The following EPHA6 variants were observed in gnomAD, a reference collection of about 807,000 sequenced individuals.
EPHA6 encodes the protein EPH receptor A6, also known as ephrin type-A receptor 6.
EPHA6 carries 50 observed loss-of-function variants against 112.0 expected under a neutral mutation model. The ratio of observed to expected loss-of-function variants is 0.45; its 90% CI spans 0.36 to 0.56. The LOEUF is 0.56. EPHA6 is among the 20% of genes least tolerant of loss of function. The pLI is 0.00. For missense variants in EPHA6, 1,280 were observed against 1,417.4 expected (o/e 0.90, Z 1.56); for synonymous variants, 529 against 490.7 (o/e 1.08, Z -1.03).
At chr3:97,125,278 A>T (rs2048152772) in intron 3 of EPHA6, among the ~76,000 whole-genome samples, 1 of 152,210 alleles carries the variant, frequency 6.6e-6, no homozygotes, top group Admixed American at 6.5e-5. Context: ...TAGGATATAT[A>T]TTGAAACACA....
intron 10 of EPHA6, among the ~76,000 whole-genome samples, chr3:97,500,383 AAATATAT>A (rs2092087667): frequency 6.6e-6 from 1 of 152,120 alleles, no homozygotes; most frequent in Non-Finnish European, 1.5e-5. Flanking sequence ...AAGACTCAGG[AAATATAT>A]AGTAATGGTG....
intron 3 of EPHA6, among the ~76,000 whole-genome samples, chr3:97,007,431 C>CTTTTTTTTTTT (rs61260971): frequency 6.8e-6 from 1 of 146,414 alleles, no homozygotes. Flanking sequence ...GCGGTCCCTG[C>CTTTTTTTTTTT]TTTTTTTTTT....
intron 2 of EPHA6, among the ~76,000 whole-genome samples, chr3:96,984,174 C>G (rs573890367): frequency 6.6e-6 from 1 of 152,002 alleles, no homozygotes; most frequent in South Asian, 2.1e-4. Context: ...TTTTTCCCAT[C>G]TTTGTGGTTT....
At chr3:97,322,027 A>G (rs1373532777) in intron 5 of EPHA6, among the ~76,000 whole-genome samples, 1 of 152,084 alleles carries the variant, frequency 6.6e-6, no homozygotes, top group Non-Finnish European at 1.5e-5. Context: ...TCCAGGTCCT[A>G]GCTATGAAAA....
At chr3:97,061,009 A>G (rs72918273) in intron 3 of EPHA6, among the ~76,000 whole-genome samples, 1,963 of 151,676 alleles carry the variant, frequency 0.013, 42 homozygotes, top group African/African-American at 0.044. Context: ...AAAGCTTAGC[A>G]TAGAGAAACA....
At chr3:96,894,970 G>A (rs1360187692) in intron 2 of EPHA6, among the ~76,000 whole-genome samples, 1 of 152,124 alleles carries the variant, frequency 6.6e-6, no homozygotes, top group Non-Finnish European at 1.5e-5. Context: ...AGAGAAGAAT[G>A]TTCATGGTGT....
At chr3:97,619,243 A>G (rs2093792523) in intron 13 of EPHA6, among the ~76,000 whole-genome samples, 1 of 152,240 alleles carries the variant, frequency 6.6e-6, no homozygotes, top group Admixed American at 6.5e-5. Flanking sequence ...TCAATAAACT[A>G]GGTATTGAAG....
intron 3 of EPHA6, among the ~76,000 whole-genome samples, chr3:97,049,275 T>C (rs903098896): frequency 6.6e-6 from 1 of 152,148 alleles, no homozygotes; most frequent in African/African-American, 2.4e-5. Flanking sequence ...GGCTACTGTT[T>C]TGAAAATAGA....
chr3:96,863,584 A>T (rs1422665207), intron 1 of EPHA6, among the ~76,000 whole-genome samples: 4 of 151,992 alleles, frequency 2.6e-5, no homozygotes, highest in African/African-American at 9.7e-5. Context: ...TTGTTTCTGG[A>T]AGATACTAAG....
intron 3 of EPHA6, among the ~76,000 whole-genome samples, chr3:97,162,706 G>A (rs939882500): frequency 2.0e-5 from 3 of 152,110 alleles, no homozygotes; most frequent in African/African-American, 7.2e-5. Context: ...CTTCCTCAAG[G>A]GTACCCAGCC....
chr3:97,313,922 A>G (rs2081679998), intron 5 of EPHA6, among the ~76,000 whole-genome samples: 1 of 151,690 alleles, frequency 6.6e-6, no homozygotes, highest in East Asian at 1.9e-4. Context: ...TTTGTTGCTC[A>G]TGCTTTTGGA....
At chr3:97,405,913 T>A (rs2087313087) in intron 6 of EPHA6, among the ~76,000 whole-genome samples, 1 of 152,152 alleles carries the variant, frequency 6.6e-6, no homozygotes, top group South Asian at 2.1e-4. Context: ...ATTATATTTA[T>A]GTTCTTTATG....
chr3:97,219,911 A>G (rs1050857197), intron 3 of EPHA6, among the ~76,000 whole-genome samples: 2 of 152,212 alleles, frequency 1.3e-5, no homozygotes, highest in Non-Finnish European at 2.9e-5. Context: ...TTGTGAATGT[A>G]TAAAACTGAA....
intron 11 of EPHA6, among the ~76,000 whole-genome samples, chr3:97,534,458 C>T (rs1400251677): frequency 1.3e-5 from 2 of 149,756 alleles, no homozygotes; most frequent in Non-Finnish European, 1.5e-5. Context: ...ACCCACCCCC[C>T]CCTTTTTTTT....
intron 10 of EPHA6, among the ~76,000 whole-genome samples, chr3:97,513,026 C>G (rs1350460830): frequency 1.3e-5 from 2 of 152,090 alleles, no homozygotes; most frequent in African/African-American, 4.8e-5. Context: ...GAGTTAAATA[C>G]CGATGCAGGT....
chr3:97,754,045 A>T lies in EPHA6; in HGVS notation c.*5344A>T, dbSNP rs2035962966. On this transcript the variant is annotated 3_prime_UTR_variant, in exon 18 of 18. Coordinates refer to ENST00000389672, the MANE Select transcript of EPHA6 (RefSeq NM_001080448.3). ...GTAATAAATTAGCTTCAAATTAACA[A>T]TGAGTTTGTATAAAATGTATAAAAA... Among the ~76,000 whole-genome samples, 1 of 151,648 alleles carries T rather than the reference A, an allele frequency of 6.6e-6. No individual in the cohort carries two copies. Among genetic ancestry groups the T allele is most frequent in the South Asian group, 2.1e-4 (1 of 4,810 alleles).
At chr3:97,603,707 G>A (rs553670664) in intron 12 of EPHA6, among the ~76,000 whole-genome samples, 1 of 151,964 alleles carries the variant, frequency 6.6e-6, no homozygotes, top group South Asian at 2.1e-4. Flanking sequence ...TTTAGCAGAT[G>A]TTATTGTTAA....
At chr3:97,732,353 A>G (rs1393030488) in intron 15 of EPHA6, among the ~76,000 whole-genome samples, 1 of 151,486 alleles carries the variant, frequency 6.6e-6, no homozygotes, top group African/African-American at 2.4e-5. Flanking sequence ...TGGGTTAGGT[A>G]CCTCTCCCAC....
chr3:97,286,498 T>C (rs2080468527), intron 5 of EPHA6, among the ~76,000 whole-genome samples: 1 of 152,210 alleles, frequency 6.6e-6, no homozygotes, highest in Non-Finnish European at 1.5e-5. Flanking sequence ...AAGCTGTCTT[T>C]TCCCCAGTGT....
Sources: allele counts gnomAD v4.1 joint callset (sites outside exome capture counted in the v4.1 genomes callset), GRCh38; gene constraint gnomAD v4.1.1; transcripts MANE v1.5; gene names NCBI Gene and HGNC (gene_info 2026-07-23, HGNC 2026-07-21).